UNC5C: variants seen among roughly 807,000 people sequenced by gnomAD.
The protein encoded by UNC5C is netrin receptor UNC5C.
Under a neutral mutation model 99.8 loss-of-function variants are expected in UNC5C, and 47 were observed. That is an observed-to-expected ratio of 0.47 (90% CI 0.37 to 0.60). UNC5C has a LOEUF of 0.60. Ranked by LOEUF, UNC5C falls within the 20% of genes least tolerant of loss-of-function variation. The probability of loss-of-function intolerance (pLI) is 0.00; values close to 1 mark genes in which losing one functional copy is unlikely to be tolerated. For missense variants in UNC5C, 1,062 were observed against 1,165.9 expected (o/e 0.91, Z 1.30); for synonymous variants, 487 against 452.2 (o/e 1.08, Z -0.98).
chr4:95,473,019 G>T (rs1453662955), intron 1 of UNC5C, among the ~76,000 whole-genome samples: 1 of 151,184 alleles, frequency 6.6e-6, no homozygotes, highest in Non-Finnish European at 1.5e-5. Flanking sequence ...AGTTAATAAT[G>T]AAACTGTTAC....
At chr4:95,172,653 T>C (rs572191136) in intron 14 of UNC5C, among the ~76,000 whole-genome samples, 2,251 of 150,780 alleles carry the variant, frequency 0.015, 45 homozygotes, top group African/African-American at 0.053. Context: ...CCTTGTAGTA[T>C]AGTTTGAAGT....
intron 1 of UNC5C, among the ~76,000 whole-genome samples, chr4:95,460,710 T>C (rs1261799206): frequency 6.6e-6 from 1 of 152,224 alleles, no homozygotes; most frequent in Non-Finnish European, 1.5e-5. Context: ...GGTATGTCTT[T>C]ATCAGCAATG....
intron 1 of UNC5C, among the ~76,000 whole-genome samples, chr4:95,345,284 T>C (rs184685028): frequency 6.6e-6 from 1 of 151,728 alleles, no homozygotes; most frequent in African/African-American, 2.4e-5. Flanking sequence ...GATAAACGGG[T>C]CAATTCAGCA....
chr4:95,288,796 T>G (rs757134463), intron 3 of UNC5C, among the ~76,000 whole-genome samples: 2 of 152,230 alleles, frequency 1.3e-5, no homozygotes, highest in Non-Finnish European at 2.9e-5. Context: ...TCCCTTTGTC[T>G]TTCTCTTACA....
At chr4:95,384,478 C>T (rs1044743146) in intron 1 of UNC5C, among the ~76,000 whole-genome samples, 10 of 152,098 alleles carry the variant, frequency 6.6e-5, no homozygotes, top group Admixed American at 1.3e-4. Context: ...ACACTCACCA[C>T]GTTCCAGGAG....
At chr4:95,297,756 A>G (rs1195501136) in intron 3 of UNC5C, among the ~76,000 whole-genome samples, 3 of 152,144 alleles carry the variant, frequency 2.0e-5, no homozygotes, top group African/African-American at 4.8e-5. Flanking sequence ...TCACACATCC[A>G]AGGTCTCAAC....
chr4:95,521,904 G>T (rs1190798535), intron 1 of UNC5C, among the ~76,000 whole-genome samples: 3 of 152,010 alleles, frequency 2.0e-5, no homozygotes, highest in Non-Finnish European at 4.4e-5. Context: ...ATTTGGTCTT[G>T]GCTTGGTGAA....
chr4:95,171,424 T>C (rs1044505570), intron 14 of UNC5C, among the ~76,000 whole-genome samples: 9 of 138,254 alleles, frequency 6.5e-5, no homozygotes, highest in Admixed American at 4.8e-4. Context: ...CAGAGTGTGA[T>C]GTTCCCCTTC....
At chr4:95,238,261 TTTA>T (rs1396366591) in intron 7 of UNC5C, among the ~76,000 whole-genome samples, 3 of 152,152 alleles carry the variant, frequency 2.0e-5, no homozygotes, top group African/African-American at 7.2e-5. Context: ...CACCATCTCA[TTTA>T]TTGTTTTAAT....
intron 1 of UNC5C, among the ~76,000 whole-genome samples, chr4:95,478,401 A>G (rs1721026263): frequency 6.6e-6 from 1 of 151,922 alleles, no homozygotes; most frequent in South Asian, 2.1e-4. Flanking sequence ...TCTCTACCTG[A>G]CATTTGCTTT....
chr4:95,428,293 T>C (rs1746540700), intron 1 of UNC5C, among the ~76,000 whole-genome samples: 1 of 152,154 alleles, frequency 6.6e-6, no homozygotes, highest in Non-Finnish European at 1.5e-5. Flanking sequence ...ATATTCAACT[T>C]GTACTTAACT....
At chr4:95,258,519 G>C (rs1740090685) in intron 4 of UNC5C, among the ~76,000 whole-genome samples, 1 of 152,094 alleles carries the variant, frequency 6.6e-6, no homozygotes, top group Non-Finnish European at 1.5e-5. Context: ...TGGTTGCAAT[G>C]ATGCAAAATA....
chr4:95,373,494 T>C (rs75371722), intron 1 of UNC5C, among the ~76,000 whole-genome samples: 1,981 of 152,292 alleles, frequency 0.013, 46 homozygotes, highest in African/African-American at 0.045. Flanking sequence ...ATCCGTCTCC[T>C]TACGCACCAT....
intron 7 of UNC5C, among the ~76,000 whole-genome samples, chr4:95,235,810 T>C (rs1023213243): frequency 3.3e-5 from 5 of 152,168 alleles, no homozygotes; most frequent in Admixed American, 6.5e-5. Flanking sequence ...AGAAGACATT[T>C]ATGCAGCCAA....
chr4:95,343,933 C>G (rs1743673089), intron 1 of UNC5C, among the ~76,000 whole-genome samples: 1 of 152,050 alleles, frequency 6.6e-6, no homozygotes, highest in Non-Finnish European at 1.5e-5. Context: ...TGAAGCACAT[C>G]TACCACAACT....
At chr4:95,541,709 T>C (rs542572167) in intron 1 of UNC5C, among the ~76,000 whole-genome samples, 14 of 152,210 alleles carry the variant, frequency 9.2e-5, no homozygotes, top group South Asian at 4.1e-4. Context: ...TATATTTCTA[T>C]TTATGGATAT....
chr4:95,304,030 A>G (rs77815992), intron 2 of UNC5C, among the ~76,000 whole-genome samples: 2,897 of 152,282 alleles, frequency 0.019, 73 homozygotes, highest in African/African-American at 0.066. Flanking sequence ...CAATGGGAGT[A>G]GGAGCTGTCC....
intron 1 of UNC5C, among the ~76,000 whole-genome samples, chr4:95,471,697 G>C (rs1299060490): frequency 6.6e-6 from 1 of 152,062 alleles, no homozygotes; most frequent in African/African-American, 2.4e-5. Context: ...TAGGCATATA[G>C]GCACATACAT....
At chr4:95,432,049 G>A (rs146073801) in intron 1 of UNC5C, among the ~76,000 whole-genome samples, 239 of 152,220 alleles carry the variant, frequency 1.6e-3, no homozygotes, top group African/African-American at 5.3e-3. Context: ...AGGTTATGAC[G>A]CTTTGGAGAC....
Sources: allele counts gnomAD v4.1 joint callset (sites outside exome capture counted in the v4.1 genomes callset), GRCh38; gene constraint gnomAD v4.1.1; transcripts MANE v1.5; gene names NCBI Gene and HGNC (gene_info 2026-07-23, HGNC 2026-07-21).